The following ADI1 variants were observed in gnomAD, a reference collection of about 807,000 sequenced individuals.
ADI1 encodes acireductone dioxygenase 1.
Under a neutral mutation model 18.7 loss-of-function variants are expected in ADI1, and 21 were observed. The ratio of observed to expected loss-of-function variants is 1.13; its 90% CI spans 0.80 to 1.62. ADI1 has a LOEUF of 1.62. ADI1 is among the 40% of genes most tolerant of loss of function. ADI1 has a pLI of 0.00. For synonymous variants in ADI1, 90 were observed against 100.1 expected, an observed-to-expected ratio of 0.90 and a Z score of 0.60; for missense variants, 245 against 254.9, an observed-to-expected ratio of 0.96 and a Z score of 0.26.
At position 3,503,236 on chromosome 2, in the gene ADI1, A is replaced by G. The variant is rs1019455231; in HGVS notation, c.241-2243T>C. Among the ~76,000 whole-genome samples, 5 of 139,564 alleles carry G rather than the reference A, an allele frequency of 3.6e-5. 1 individual carries two copies. The highest frequency in any genetic ancestry group is 4.6e-5 in the Non-Finnish European group (3 of 64,586). 91.6% of individuals were successfully genotyped at this position (139,564 alleles called of 152,430 possible). On this transcript the variant is annotated intron_variant, in intron 2 of 3. Coordinates refer to ENST00000327435, the MANE Select transcript of ADI1 (RefSeq NM_018269.4). ...ACATGCACACACGTAACACTCTCTC[A>G]TGTGCATTCACACACATGCACACAC...
chr2:3,519,341 C>T, intron 1 of ADI1, 27 bp downstream of exon 1: 1 of 1,396,456 alleles, frequency 7.2e-7, no homozygotes, highest in Non-Finnish European at 9.3e-7. Flanking sequence ...GTCGCCCGCA[C>T]GCTCTGCGAG....
chr2:3,503,569 G>A lies in ADI1; in HGVS notation c.241-2576C>T, dbSNP rs554335249. On this transcript the variant is annotated intron_variant, in intron 2 of 3. Coordinates refer to ENST00000327435, the MANE Select transcript of ADI1 (RefSeq NM_018269.4). ...CACACTCACACACGTGCATTCACTCGCATGGTACTCATCCCGTCCACAGAA... is the reference window on the plus strand; with the variant it reads ...CACACTCACACACGTGCATTCACTCACATGGTACTCATCCCGTCCACAGAA... Among the ~76,000 whole-genome samples, 7 of 151,828 alleles carry A rather than the reference G, an allele frequency of 4.6e-5. 2 individuals are homozygous for A. The East Asian group carries it at 1.2e-3, about 25-fold the overall frequency.
intron 1 of ADI1, 106 bp from the exon 2 acceptor site, chr2:3,514,082 T>C (rs1667347298): frequency 4.4e-6 from 6 of 1,375,138 alleles, no homozygotes; most frequent in Admixed American, 5.5e-5. Context: ...AATTTATCAT[T>C]TGTTATTTTT....
intron 2 of ADI1, among the ~76,000 whole-genome samples, chr2:3,501,780 G>A (rs953643096): frequency 2.6e-5 from 4 of 152,014 alleles, no homozygotes; most frequent in South Asian, 2.1e-4. Context: ...CACCTGCCTC[G>A]GCCTCCCACA....
chr2:3,519,296 G>A, intron 1 of ADI1, 72 bp downstream of exon 1: 3 of 1,318,206 alleles, frequency 2.3e-6, no homozygotes, highest in South Asian at 3.9e-5. Flanking sequence ...GGCACCTGGA[G>A]GAGGCTGGGC....
chr2:3,501,381 C>A (rs952148331), intron 2 of ADI1, among the ~76,000 whole-genome samples: 1 of 152,014 alleles, frequency 6.6e-6, no homozygotes, highest in African/African-American at 2.4e-5. Context: ...CGAGACTGCC[C>A]CAAAGACACC....
chr2:3,500,564 G>A (rs926879044), intron 3 of ADI1: 11 of 579,350 alleles, frequency 1.9e-5, no homozygotes, highest in Admixed American at 1.6e-4. Flanking sequence ...TACCTGCCCC[G>A]CCTGGGTATG....
chr2:3,510,725 T>A (rs530057274), intron 2 of ADI1, among the ~76,000 whole-genome samples: 3 of 152,066 alleles, frequency 2.0e-5, no homozygotes, highest in Non-Finnish European at 4.4e-5. Context: ...AAACAAATAA[T>A]GCTCATTCAA....
chr2:3,514,598 C>T (rs1667359876), intron 1 of ADI1, among the ~76,000 whole-genome samples: 1 of 152,196 alleles, frequency 6.6e-6, no homozygotes, highest in Admixed American at 6.5e-5. Context: ...CTCATGACAG[C>T]TTTCTATGCC....
chr2:3,518,276 T>C (rs1209040511), intron 1 of ADI1, among the ~76,000 whole-genome samples: 1 of 152,170 alleles, frequency 6.6e-6, no homozygotes, highest in African/African-American at 2.4e-5. Flanking sequence ...TCCAAATAGA[T>C]TATGCTGGAA....
intron 3 of ADI1, 56 bp from the exon 4 acceptor site, chr2:3,499,138 A>ACTT (rs10627319): frequency 0.39 from 618,699 of 1,577,796 alleles, 130,474 homozygotes; most frequent in African/African-American, 0.84. Flanking sequence ...CCTTCTACTT[A>ACTT]GTATTTATTA....
Position 3,498,823 on chromosome 2 carries a change from CT to C in ADI1, c.*139del. The C allele has an allele frequency of 7.3e-7, 1 of 1,375,556 alleles. No individual in the cohort carries two copies. The highest frequency in any genetic ancestry group is 9.8e-7 in the Non-Finnish European group (1 of 1,018,308). The allele number at this position is 1,375,556 out of a possible 1,614,324, so 85.2% of individuals were successfully genotyped here. A position where few individuals can be genotyped will look rare whatever the true frequency, so the allele number is the denominator to read the frequency against. ...CTAGATCCTTTCATTACAAAATATT[CT>C]GATCAAATAATCTTACAAAGGAAAG... On this transcript the variant is annotated 3_prime_UTR_variant, in exon 4 of 4. Coordinates refer to ENST00000327435, the MANE Select transcript of ADI1 (RefSeq NM_018269.4).
In ADI1 at chr2:3,505,702, T is replaced by C. The variant is rs187972911; in HGVS notation, c.241-4709A>G. Among the ~76,000 whole-genome samples the C allele has an allele frequency of 2.6e-5, 4 of 152,300 alleles. No individual in the cohort carries two copies. The East Asian group carries it at 5.8e-4, about 22-fold the overall frequency. ...AAACTCCAGCCCCTTCGGAACTCCA[T>C]GTTATGGACTGAATACTATGATCCC... On this transcript the variant is annotated intron_variant, in intron 2 of 3. Transcript: ENST00000327435.
intron 1 of ADI1, among the ~76,000 whole-genome samples, chr2:3,518,541 G>C (rs1046117733): frequency 2.0e-5 from 3 of 152,218 alleles, no homozygotes; most frequent in Non-Finnish European, 4.4e-5. Flanking sequence ...TGCAAAGCTA[G>C]CGTTACAGAG....
intron 2 of ADI1, among the ~76,000 whole-genome samples, chr2:3,510,682 T>G (rs1165251779): frequency 1.2e-4 from 18 of 152,170 alleles, no homozygotes; most frequent in Admixed American, 9.8e-4. Flanking sequence ...ATTTGACAAC[T>G]CAAATGAAAT....
At position 3,497,760 on chromosome 2, in the gene ADI1, G is replaced by T. The variant is rs182526371; in HGVS notation, c.*1203C>A. On this transcript the variant is annotated 3_prime_UTR_variant, in exon 4 of 4. Transcript: ENST00000327435. ...CTAGAGTCCGCAGGAGGCCAGCCCC[G>T]CACGAGGAGTTTCAAACACTAAGGA... 1 of 152,182 alleles carries T rather than the reference G, an allele frequency of 6.6e-6. No individual in the cohort carries two copies. The highest frequency in any genetic ancestry group is 2.4e-5 in the African/African-American group (1 of 41,442). The allele number at this position is 152,182 out of a possible 1,614,324, so 9.4% of individuals were successfully genotyped here.
Position 3,498,860 on chromosome 2 carries a change from C to G in ADI1, c.*103G>C, listed in dbSNP as rs757710785. The G allele has an allele frequency of 1.0e-4, 150 of 1,473,468 alleles. No homozygotes were observed. The highest frequency in any genetic ancestry group is 1.5e-4 in the Admixed American group (7 of 45,360). 91.3% of individuals were successfully genotyped at this position (1,473,468 alleles called of 1,614,324 possible). A position where few individuals can be genotyped will look rare whatever the true frequency, so the allele number is the denominator to read the frequency against. ...TCTTACAAAGGAAAGATAATCTAGC[C>G]TCAAGGCTATCCTCTAAAAGCAAAG... On this transcript the variant is annotated 3_prime_UTR_variant, in exon 4 of 4. Transcript: ENST00000327435.
chr2:3,508,210 C>T (rs915617142), intron 2 of ADI1, among the ~76,000 whole-genome samples: 11 of 151,710 alleles, frequency 7.3e-5, no homozygotes, highest in Non-Finnish European at 1.6e-4. Flanking sequence ...TGGCAGGTGC[C>T]TGTAGTCCCA....
At chr2:3,500,471 G>A (rs1666970628) in intron 3 of ADI1, 5 of 450,846 alleles carry the variant, frequency 1.1e-5, no homozygotes, top group South Asian at 8.4e-5. Context: ...CAACCCTAGA[G>A]ATGCCTCACC....
Sources: allele counts gnomAD v4.1 joint callset (sites outside exome capture counted in the v4.1 genomes callset), GRCh38; gene constraint gnomAD v4.1.1; transcripts MANE v1.5; gene names NCBI Gene and HGNC (gene_info 2026-07-23, HGNC 2026-07-21).